The following ENTPD4 variants were observed in gnomAD, a reference collection of about 807,000 sequenced individuals.
ENTPD4 encodes Golgi UDPase.
Under a neutral mutation model 79.1 loss-of-function variants are expected in ENTPD4, and 60 were observed. That is an observed-to-expected ratio of 0.76 (90% confidence interval 0.62 to 0.94). The LOEUF (loss-of-function observed/expected upper bound fraction) is 0.94. ENTPD4 is among the 40% of genes least tolerant of loss of function. The pLI, the probability that ENTPD4 is intolerant of heterozygous loss-of-function variation, is 0.00. For synonymous variants in ENTPD4, 276 were observed against 292.0 expected, an observed-to-expected ratio of 0.95 and a Z score of 0.56; for missense variants, 772 against 775.1, an observed-to-expected ratio of 1.00 and a Z score of 0.05.
chr8:23,440,280 T>C (rs1444759876), intron 8 of ENTPD4, among the ~76,000 whole-genome samples: 1 of 152,254 alleles, frequency 6.6e-6, no homozygotes, highest in African/African-American at 2.4e-5. Context: ...AGATGTCATC[T>C]AAATATATAA....
rs1800463686 is a variant in ENTPD4 at position 23,432,053 on chromosome 8, A to C, written c.*873T>G. The stretch of plus-strand genomic sequence containing the variant: ...AAGCTGTAGTCGATAGTTCACTATC[A>C]CTTTTATAAATGGTTATCTCCTGGT... On this transcript the variant is annotated 3_prime_UTR_variant, in exon 13 of 13. Coordinates refer to ENST00000358689, the MANE Select transcript of ENTPD4 (RefSeq NM_004901.5). 2 of 985,406 alleles carry C rather than the reference A, an allele frequency of 2.0e-6. No homozygotes were observed. The highest frequency in any genetic ancestry group is 2.4e-6 in the Non-Finnish European group (2 of 829,924). The allele number at this position is 985,406 out of a possible 1,614,324, so 61.0% of individuals were successfully genotyped here.
chr8:23,439,826 C>G lies in ENTPD4; in HGVS notation c.972G>C (p.Thr324=). Residue 324 remains threonine, a synonymous_variant, in exon 9 of 13, where the codon ACG becomes ACC. Transcript: ENST00000358689. ...CAGCATTGCCACCAAACCCAAGAAA[C>G]GTGGCCACATAGACTCGATACACAT... The part of the protein sequence containing the change: ...TEHVYRVYVA[T]FLGFGGNAAR... 1 of 1,614,106 alleles carries G rather than the reference C, an allele frequency of 6.2e-7. No individual in the cohort carries two copies. Among genetic ancestry groups the G allele is most frequent in the Non-Finnish European group, 8.5e-7 (1 of 1,179,960 alleles).
chr8:23,433,671 T>C (rs1480310691), intron 12 of ENTPD4, among the ~76,000 whole-genome samples: 1 of 152,196 alleles, frequency 6.6e-6, no homozygotes, highest in Non-Finnish European at 1.5e-5. Flanking sequence ...CTGACTGAGA[T>C]GTAGCATTTC....
intron 1 of ENTPD4, among the ~76,000 whole-genome samples, chr8:23,450,375 A>G (rs1256964725): frequency 6.6e-6 from 1 of 152,238 alleles, no homozygotes; most frequent in African/African-American, 2.4e-5. Flanking sequence ...ATAAATGTCT[A>G]TTAGACTGCC....
Position 23,433,076 on chromosome 8 carries a change from G to T in ENTPD4, c.1701C>A (p.Phe567Leu). The part of the protein sequence containing the change: ...GVSFVYNHYL[F>L]SGCFLVVLLA... ...GCAGCACCACCAGGAAGCAGCCAGA[G>T]AACAGGTAGTGGTTGTAGACAAAGG... The change falls in exon 13 of 13, where the codon TTC (phenylalanine) becomes TTA (leucine). Residue 567 changes from phenylalanine (F) to leucine (L), a missense_variant. Physicochemically the swap from Phe to Leu is conservative, Grantham distance 22. Coordinates refer to ENST00000358689, the MANE Select transcript of ENTPD4 (RefSeq NM_004901.5). 1.2e-6 allele frequency: 2 copies of T among 1,614,210 alleles called. No individual in the cohort carries two copies. The highest frequency in any genetic ancestry group is 1.7e-6 in the Non-Finnish European group (2 of 1,180,038).
At chr8:23,451,146 C>A (rs374635749) in intron 1 of ENTPD4, among the ~76,000 whole-genome samples, 1 of 151,938 alleles carries the variant, frequency 6.6e-6, no homozygotes, top group Non-Finnish European at 1.5e-5. Context: ...CTCAGCCTCC[C>A]GAGTAGCTGG....
chr8:23,431,103 T>C lies in ENTPD4; in HGVS notation c.*1823A>G. ...CCAGAGACGCAGGTTAAGCTGCACC[T>C]GAGGCAGTTTGAGCCACAACTGGGA... On this transcript the variant is annotated 3_prime_UTR_variant, in exon 13 of 13. Transcript: ENST00000358689. 1 of 504,662 alleles carries C rather than the reference T, an allele frequency of 2.0e-6. No homozygotes were observed. Among genetic ancestry groups the C allele is most frequent in the Non-Finnish European group, 2.6e-6 (1 of 390,968 alleles). 31.3% of individuals were successfully genotyped at this position (504,662 alleles called of 1,614,324 possible). A position where few individuals can be genotyped will look rare whatever the true frequency, so the allele number is the denominator to read the frequency against.
At position 23,429,769 on chromosome 8, in the gene ENTPD4, CG is replaced by C; in HGVS notation, c.*3156del. 1.0e-6 allele frequency: 1 copy of C among 985,454 alleles called. No homozygotes were observed. Among genetic ancestry groups the C allele is most frequent in the Non-Finnish European group, 1.2e-6 (1 of 829,938 alleles). The allele number at this position is 985,454 out of a possible 1,614,324, so 61.0% of individuals were successfully genotyped here. On this transcript the variant is annotated 3_prime_UTR_variant, in exon 13 of 13. Transcript: ENST00000358689. ...TGTTACTGGCCTCAGCCACCAGCAG[CG>C]TCTTCACTCCGCCCAGGTCAGAAAG...
At chr8:23,445,490 C>T (rs1800749323) in intron 4 of ENTPD4, among the ~76,000 whole-genome samples, 1 of 152,186 alleles carries the variant, frequency 6.6e-6, no homozygotes, top group Non-Finnish European at 1.5e-5. Context: ...ACTAACATTT[C>T]CATAATGCAC....
chr8:23,440,922 G>A (rs946518679), intron 8 of ENTPD4, among the ~76,000 whole-genome samples: 4 of 152,168 alleles, frequency 2.6e-5, no homozygotes, highest in African/African-American at 7.2e-5. Flanking sequence ...GTCCCCCGCC[G>A]GCCACGCTAT....
rs1800438614 is a variant in ENTPD4, at chr8:23,430,707, G to A, written c.*2219C>T. 1.0e-6 allele frequency: 1 copy of A among 985,496 alleles called. No individual in the cohort carries two copies. Among genetic ancestry groups the A allele is most frequent in the Non-Finnish European group, 1.2e-6 (1 of 829,992 alleles). 61.0% of individuals were successfully genotyped at this position (985,496 alleles called of 1,614,324 possible). On this transcript the variant is annotated 3_prime_UTR_variant, in exon 13 of 13. Coordinates refer to ENST00000358689, the MANE Select transcript of ENTPD4 (RefSeq NM_004901.5). ...TATGTGACTAACTCTTCTATGCCCA[G>A]AGCTGGAAGGCGGGGTCCCCTAACT...
chr8:23,433,035 T>C lies in ENTPD4; in HGVS notation c.1742A>G (p.Tyr581Cys). The part of the protein sequence containing the change: ...FLVVLLAILL[Y>C]LLRLRRIHRR... ...GTGGATGCGCCGCAGCCGCAGCAGG[T>C]ACAGCAGGATGGCCAGCAGCACCAC... Residue 581 changes from tyrosine (Y) to cysteine (C), a missense_variant, in exon 13 of 13, where the codon TAC (tyrosine) becomes TGC (cysteine). By Grantham distance (194) the Tyr-to-Cys change is radical. Coordinates refer to ENST00000358689, the MANE Select transcript of ENTPD4 (RefSeq NM_004901.5). 12 of 1,614,010 alleles carry C rather than the reference T, an allele frequency of 7.4e-6. No homozygotes were observed. Among genetic ancestry groups the C allele is most frequent in the Non-Finnish European group, 9.3e-6 (11 of 1,180,006 alleles).
intron 8 of ENTPD4, among the ~76,000 whole-genome samples, chr8:23,440,352 TAA>T (rs1212638758): frequency 3.9e-5 from 6 of 152,258 alleles, no homozygotes; most frequent in African/African-American, 1.4e-4. Context: ...CATGCACTGT[TAA>T]ATAAAGGACA....
In ENTPD4 at chr8:23,441,789, T is replaced by A; in HGVS notation, c.728-66A>T. 6 of 1,535,362 alleles carry A rather than the reference T, an allele frequency of 3.9e-6. No individual in the cohort carries two copies. The South Asian group carries it at 7.0e-5, about 18-fold the overall frequency. ...CAGAGAACTGGGCTCTTCTGAAGAG[T>A]CACCTTCTTTTCATGGTCTATTTCA... On this transcript the variant is annotated intron_variant, in intron 7 of 12. Transcript: ENST00000358689.
In ENTPD4 at chr8:23,431,522, T is replaced by C; in HGVS notation, c.*1404A>G. On this transcript the variant is annotated 3_prime_UTR_variant, in exon 13 of 13. Coordinates refer to ENST00000358689, the MANE Select transcript of ENTPD4 (RefSeq NM_004901.5). ...ATTTTGGCTTAAATTGTCGAATTTT[T>C]TCCTTCAAAATGTGAATTTATTTCC... is the stretch of plus-strand genomic sequence containing the variant. 7 of 985,468 alleles carry C rather than the reference T, an allele frequency of 7.1e-6. No homozygotes were observed. In the South Asian group the frequency reaches 2.8e-4, roughly 40 times the overall value. The allele number at this position is 985,468 out of a possible 1,614,324, so 61.0% of individuals were successfully genotyped here.
chr8:23,443,826 T>G (rs760692758), intron 6 of ENTPD4, 24 bp downstream of exon 6: 1 of 1,471,560 alleles, frequency 6.8e-7, no homozygotes, highest in Non-Finnish European at 9.5e-7. Flanking sequence ...TCCCAAATTT[T>G]AAACTGAAGA....
At position 23,433,081 on chromosome 8, in the gene ENTPD4, G is replaced by T. The variant is rs201149309; in HGVS notation, c.1696C>A (p.Leu566Met). 6.2e-7 allele frequency: 1 copy of T among 1,614,202 alleles called. No homozygotes were observed. Among genetic ancestry groups the T allele is most frequent in the Non-Finnish European group, 8.5e-7 (1 of 1,180,040 alleles). ...ACCACCAGGAAGCAGCCAGAGAACA[G>T]GTAGTGGTTGTAGACAAAGGAAACG... ...RGVSFVYNHY[L>M]FSGCFLVVLL... The change falls in exon 13 of 13, where the codon CTG becomes ATG. Residue 566 changes from leucine to methionine, a missense_variant. Transcript: ENST00000358689.
intron 1 of ENTPD4, among the ~76,000 whole-genome samples, chr8:23,451,029 T>C (rs1013305258): frequency 1.3e-5 from 2 of 150,812 alleles, no homozygotes; most frequent in African/African-American, 4.9e-5. Flanking sequence ...TTTCTTTTTT[T>C]TTTTTTTTTG....
intron 3 of ENTPD4, 105 bp from the exon 4 acceptor site, chr8:23,447,990 A>G (rs1800792802): frequency 2.4e-6 from 2 of 835,166 alleles, no homozygotes; most frequent in Non-Finnish European, 4.0e-6. Flanking sequence ...TAAGCTATGT[A>G]GCAGCACCAC....
Sources: gnomAD v4.1 joint callset for allele counts (sites outside exome capture counted in the v4.1 genomes callset) on GRCh38, gnomAD v4.1.1 for gene constraint, MANE v1.5 for transcripts, NCBI Gene and HGNC (gene_info 2026-07-23, HGNC 2026-07-21) for gene names.